Variants in UROC1 observed in about 807,000 individuals in gnomAD.
The protein encoded by UROC1 is urocanate hydratase 1, also known as urocanate hydratase.
In UROC1, 79 loss-of-function variants were observed where a neutral mutation model predicts 89.5. That is an observed-to-expected ratio of 0.88 (90% CI 0.74 to 1.06). UROC1 has a LOEUF of 1.06. Ranked by LOEUF, UROC1 falls within the 50% of genes least tolerant of loss-of-function variation. The pLI, the probability that UROC1 is intolerant of heterozygous loss-of-function variation, is 0.00. For missense variants in UROC1, 885 were observed against 907.8 expected (o/e 0.97, Z 0.32); for synonymous variants, 361 against 354.8 (o/e 1.02, Z -0.20).
chr3:126,498,289 T>A, intron 13 of UROC1, 117 bp from the exon 14 acceptor site: 1 of 1,562,112 alleles, frequency 6.4e-7, no homozygotes, highest in Non-Finnish European at 8.7e-7. Flanking sequence ...TGGAACCCCC[T>A]AAGCTGTCAT....
Position 126,493,200 on chromosome 3 carries a change from A to C in UROC1, c.1510-684T>G, listed in dbSNP as rs1473161418. Among the ~76,000 whole-genome samples, 5 of 151,762 alleles carry C rather than the reference A, an allele frequency of 3.3e-5. No individual in the cohort carries two copies. In the East Asian group the frequency reaches 9.6e-4, roughly 29 times the overall value. ...CCCCGCGGTCCTCAAGCAGGATGAC[A>C]TTTGGCAATGACTGAAGACATTTTT... On this transcript the variant is annotated intron_variant, in intron 15 of 19. Coordinates refer to ENST00000290868, the MANE Select transcript of UROC1 (RefSeq NM_144639.3).
chr3:126,515,006 G>C (rs1201365576), intron 1 of UROC1, among the ~76,000 whole-genome samples: 7 of 151,976 alleles, frequency 4.6e-5, no homozygotes, highest in Non-Finnish European at 7.4e-5. Context: ...AGGACTCAGG[G>C]AGCCGCCCGT....
chr3:126,506,914 C>T (rs1936074167), intron 6 of UROC1, among the ~76,000 whole-genome samples: 1 of 152,082 alleles, frequency 6.6e-6, no homozygotes, highest in African/African-American at 2.4e-5. Flanking sequence ...CCCATCTCTA[C>T]TAAAAATACA....
intron 2 of UROC1, among the ~76,000 whole-genome samples, chr3:126,510,426 G>A (rs887492796): frequency 3.9e-5 from 6 of 152,212 alleles, no homozygotes; most frequent in African/African-American, 9.7e-5. Flanking sequence ...CAGATGGGCC[G>A]GGCCTGAGAG....
At chr3:126,483,541 T>A in intron 18 of UROC1, 73 bp from the exon 19 acceptor site, 1 of 1,428,884 alleles carries the variant, frequency 7.0e-7, no homozygotes, top group Non-Finnish European at 9.7e-7. Context: ...AAGCCCATGT[T>A]TTGGAAGCAT....
intron 14 of UROC1, among the ~76,000 whole-genome samples, chr3:126,497,146 A>G (rs1444839190): frequency 1.3e-5 from 2 of 151,790 alleles, no homozygotes; most frequent in African/African-American, 4.8e-5. Context: ...TGGCTCTCCT[A>G]CTCTGAGTCT....
At position 126,507,599 on chromosome 3, in the gene UROC1, G is replaced by A. The variant is rs1936094644; in HGVS notation, c.602+143C>T. On this transcript the variant is annotated intron_variant, in intron 6 of 19. Coordinates refer to ENST00000290868, the MANE Select transcript of UROC1 (RefSeq NM_144639.3). ...GTAAGCATATACATAAAACTACTAG[G>A]GAATATGTAAAAATAAAATTAATTA... 4.6e-6 allele frequency: 4 copies of A among 865,548 alleles called. No individual in the cohort carries two copies. In the African/African-American group the frequency reaches 6.8e-5, roughly 15 times the overall value. The allele number at this position is 865,548 out of a possible 1,614,324, so 53.6% of individuals were successfully genotyped here.
intron 1 of UROC1, among the ~76,000 whole-genome samples, chr3:126,515,613 A>C (rs1288590406): frequency 2.7e-5 from 1 of 37,232 alleles, no homozygotes; most frequent in Non-Finnish European, 4.9e-5. Context: ...CCCAGCACCC[A>C]CCACCTACCA....
At chr3:126,482,598 G>T in intron 19 of UROC1, 113 bp from the exon 20 acceptor site, 1 of 1,500,438 alleles carries the variant, frequency 6.7e-7, no homozygotes, top group Non-Finnish European at 9.2e-7. Context: ...GCTGTCCGTG[G>T]GGACAGCTGC....
chr3:126,483,562 C>T (rs959653970), intron 18 of UROC1, 94 bp from the exon 19 acceptor site: 16 of 1,249,874 alleles, frequency 1.3e-5, no homozygotes, highest in African/African-American at 2.9e-5. Flanking sequence ...TGGCTTGAGA[C>T]GGCGTCAGGG....
intron 18 of UROC1, among the ~76,000 whole-genome samples, chr3:126,487,134 C>T (rs371032694): frequency 2.0e-5 from 3 of 152,282 alleles, no homozygotes; most frequent in East Asian, 1.9e-4. Flanking sequence ...CCCTAAGGCC[C>T]TGAGGGTGTG....
chr3:126,493,588 G>A (rs186599043), intron 15 of UROC1, among the ~76,000 whole-genome samples: 2 of 152,300 alleles, frequency 1.3e-5, no homozygotes, highest in Admixed American at 6.5e-5. Flanking sequence ...GGAGTAGAAT[G>A]GGGAGTTAGT....
intron 8 of UROC1, 127 bp from the exon 9 acceptor site, chr3:126,504,210 T>A: frequency 1.1e-6 from 1 of 916,144 alleles, no homozygotes; most frequent in South Asian, 1.4e-5. Flanking sequence ...TAACACAGTC[T>A]CAGGGAAGAC....
chr3:126,511,584 T>A (rs1220002858), intron 1 of UROC1, among the ~76,000 whole-genome samples: 1 of 152,232 alleles, frequency 6.6e-6, no homozygotes, highest in Non-Finnish European at 1.5e-5. Context: ...TTAGAAACAT[T>A]GTTCAGATAA....
chr3:126,502,011 G>A (rs1275407877), intron 9 of UROC1: 13 of 1,475,050 alleles, frequency 8.8e-6, no homozygotes, highest in Middle Eastern at 2.2e-4. Flanking sequence ...CGGGGGTTGC[G>A]GAAGTGTGGC....
intron 11 of UROC1, 59 bp from the exon 12 acceptor site, chr3:126,500,213 G>A: frequency 2.6e-6 from 4 of 1,556,886 alleles, no homozygotes; most frequent in East Asian, 2.3e-5. Flanking sequence ...CCCCAATGTG[G>A]CACCCTCAGT....
chr3:126,514,504 C>T (rs73859510), intron 1 of UROC1, among the ~76,000 whole-genome samples: 1 of 152,106 alleles, frequency 6.6e-6, no homozygotes, highest in Non-Finnish European at 1.5e-5. Context: ...AGGCCCCACT[C>T]CAGTCACAGA....
In UROC1 at chr3:126,492,435, C is replaced by T. The variant is rs35516512; in HGVS notation, c.1591G>A (p.Ala531Thr). Residue 531 changes from alanine to threonine, a missense_variant, in exon 16 of 20, where the codon GCC becomes ACC. Ala to Thr is a moderately conservative substitution (Grantham distance 58). Coordinates refer to ENST00000290868, the MANE Select transcript of UROC1 (RefSeq NM_144639.3). ...AIAVAINQAI[A>T]CRRIKAPVVL... ...CACCTCACCTTGATCCTCCTGCAGG[C>T]GATGGCCTGGTTAATGGCCACAGCG... 5.2e-4 allele frequency: 842 copies of T among 1,613,554 alleles called. 5 individuals are homozygous for T. The African/African-American group carries it at 0.01, about 20-fold the overall frequency.
At chr3:126,501,185 C>G in intron 10 of UROC1, 33 bp downstream of exon 10, 1 of 1,612,482 alleles carries the variant, frequency 6.2e-7, no homozygotes, top group Non-Finnish European at 8.5e-7. Flanking sequence ...TCTGGGTTCC[C>G]AAGCTGGCCA....
Sources: allele counts gnomAD v4.1 joint callset (sites outside exome capture counted in the v4.1 genomes callset), GRCh38; gene constraint gnomAD v4.1.1; transcripts MANE v1.5; gene names NCBI Gene and HGNC (gene_info 2026-07-23, HGNC 2026-07-21).